The following FAAH2 variants were observed in gnomAD, a reference collection of about 807,000 sequenced individuals.
The protein encoded by FAAH2 is fatty acid amide hydrolase 2, also known as fatty-acid amide hydrolase 2.
A neutral mutation model predicts 36.9 loss-of-function variants in FAAH2; 60 were observed. That is an observed-to-expected ratio of 1.63 (90% confidence interval 1.32 to 2.02). FAAH2 has a LOEUF of 2.02. FAAH2 is among the 30% of genes most tolerant of loss of function. The pLI, the probability that FAAH2 is intolerant of heterozygous loss-of-function variation, is 0.00. For missense variants in FAAH2, 689 were observed against 397.5 expected (o/e 1.73, Z -6.23); for synonymous variants, 214 against 143.8 (o/e 1.49, Z -3.49).
At chrX:57,201,621 A>G in the FAAH2 span, among the ~76,000 whole-genome samples, 3,369 of 111,398 alleles carry the variant, frequency 0.03, 111 homozygotes, top group African/African-American at 0.1. Flanking sequence ...TGTAGGCAAC[A>G]TATCATCAAG....
intron 8 of FAAH2, among the ~76,000 whole-genome samples, chrX:57,441,166 T>G (rs1043696402): frequency 2.7e-5 from 3 of 111,887 alleles, no homozygotes; most frequent in Non-Finnish European, 5.6e-5. Flanking sequence ...ATTGGAATAG[T>G]TTCAGAGGGA....
At chrX:57,430,478 A>T (rs1417001236) in intron 7 of FAAH2, among the ~76,000 whole-genome samples, 1 of 111,796 alleles carries the variant, frequency 8.9e-6, no homozygotes, top group Non-Finnish European at 1.9e-5. Context: ...AACTGGCTCA[A>T]GCCTGGGAAT....
chrX:57,263,345 A>G, the FAAH2 span, among the ~76,000 whole-genome samples: 1 of 111,868 alleles, frequency 8.9e-6, no homozygotes, highest in Non-Finnish European at 1.9e-5. Context: ...AATACCACTT[A>G]GAGTCACTCA....
At chrX:57,244,210 G>T in the FAAH2 span, among the ~76,000 whole-genome samples, 2 of 109,692 alleles carry the variant, frequency 1.8e-5, no homozygotes, top group African/African-American at 6.6e-5. Context: ...AGAATAAAAA[G>T]AAACGAACAA....
At chrX:57,189,196 A>G in the FAAH2 span, among the ~76,000 whole-genome samples, 16 of 110,632 alleles carry the variant, frequency 1.4e-4, no homozygotes, top group Non-Finnish European at 2.5e-4. Context: ...ATACTTGTGT[A>G]GGCTTCATGA....
intron 7 of FAAH2, among the ~76,000 whole-genome samples, chrX:57,412,748 A>G (rs1209572509): frequency 9.0e-6 from 1 of 111,507 alleles, no homozygotes; most frequent in Admixed American, 9.5e-5. Context: ...CAGTAATGGG[A>G]TTGCTGGGTC....
chrX:57,383,521 T>C (rs1212176777), intron 7 of FAAH2, among the ~76,000 whole-genome samples: 1 of 111,815 alleles, frequency 8.9e-6, no homozygotes, highest in Non-Finnish European at 1.9e-5. Context: ...AGCATTCTTA[T>C]ACACCAGTAA....
intron 10 of FAAH2, among the ~76,000 whole-genome samples, chrX:57,451,432 T>A (rs2056781544): frequency 8.9e-6 from 1 of 112,270 alleles, no homozygotes; most frequent in South Asian, 3.7e-4. Flanking sequence ...ATGAATCAGA[T>A]ACATTCCATG....
chrX:57,199,145 A>T, the FAAH2 span, among the ~76,000 whole-genome samples: 10 of 109,181 alleles, frequency 9.2e-5, no homozygotes, highest in Non-Finnish European at 1.9e-4. Flanking sequence ...CCTTTCCTTT[A>T]TCTACTTTGC....
the FAAH2 span, among the ~76,000 whole-genome samples, chrX:57,258,944 C>A: frequency 1.8e-5 from 2 of 108,744 alleles, 1 homozygote; most frequent in Non-Finnish European, 3.8e-5. Context: ...ATGGTCTCAT[C>A]TCCTGACCTT....
intron 2 of FAAH2, among the ~76,000 whole-genome samples, chrX:57,293,412 TATC>T (rs1270474648): frequency 8.9e-6 from 1 of 112,216 alleles, no homozygotes; most frequent in African/African-American, 3.2e-5. Context: ...AATGGATTTG[TATC>T]ATAATAGATA....
At chrX:57,271,155 C>A in the FAAH2 span, among the ~76,000 whole-genome samples, 1 of 112,380 alleles carries the variant, frequency 8.9e-6, no homozygotes, top group South Asian at 3.7e-4. Context: ...GAGGGAGGGG[C>A]ATCTGCCATT....
the FAAH2 span, among the ~76,000 whole-genome samples, chrX:57,125,048 A>G: frequency 1.8e-5 from 2 of 112,586 alleles, no homozygotes; most frequent in Non-Finnish European, 3.8e-5. Flanking sequence ...TATGTTGAAT[A>G]GAAGTGGTGA....
the FAAH2 span, among the ~76,000 whole-genome samples, chrX:57,255,207 C>G: frequency 9.0e-6 from 1 of 111,244 alleles, no homozygotes; most frequent in African/African-American, 3.3e-5. Context: ...ACACATACAC[C>G]CTCCCAAGAC....
chrX:57,393,000 T>C lies in FAAH2; in HGVS notation c.996+11971T>C. 3.3e-6 allele frequency: 3 copies of C among 917,658 alleles called. No homozygotes were observed. In the Admixed American group the frequency reaches 6.6e-5, roughly 20 times the overall value. 75.6% of individuals were successfully genotyped at this position (917,658 alleles called of 1,213,427 possible). A position where few individuals can be genotyped will look rare whatever the true frequency, so the allele number is the denominator to read the frequency against. ...ATCCTCAACTGGGAGCTTGAGGTCA[T>C]AAAGGAGTTGGAAGCTGCTGGGTGC... is the stretch of plus-strand genomic sequence containing the variant. On this transcript the variant is annotated intron_variant, in intron 7 of 10. Coordinates refer to ENST00000374900, the MANE Select transcript of FAAH2 (RefSeq NM_174912.4).
At chrX:57,445,158 G>A (rs1020450955) in intron 8 of FAAH2, among the ~76,000 whole-genome samples, 22 of 111,860 alleles carry the variant, frequency 2.0e-4, no homozygotes, top group African/African-American at 6.8e-4. Context: ...GAAGAGGATT[G>A]AGTGTTGTCC....
intron 5 of FAAH2, among the ~76,000 whole-genome samples, chrX:57,367,336 A>G (rs1370916047): frequency 2.7e-5 from 3 of 112,294 alleles, no homozygotes; most frequent in Non-Finnish European, 3.8e-5. Flanking sequence ...TTCAAAAGCA[A>G]TGTTATCCAA....
the FAAH2 span, among the ~76,000 whole-genome samples, chrX:57,193,816 G>A: frequency 7.1e-5 from 8 of 112,107 alleles, no homozygotes. Flanking sequence ...CTGTTGATAT[G>A]ATGAATCACA....
At chrX:57,359,514 C>T (rs2054237239) in intron 5 of FAAH2, among the ~76,000 whole-genome samples, 1 of 111,549 alleles carries the variant, frequency 9.0e-6, no homozygotes. Context: ...GGCCTGGCCA[C>T]TGCACCTGTC....
Sources: allele counts gnomAD v4.1 joint callset (sites outside exome capture counted in the v4.1 genomes callset), GRCh38; gene constraint gnomAD v4.1.1; transcripts MANE v1.5; gene names NCBI Gene and HGNC (gene_info 2026-07-23, HGNC 2026-07-21).